NCS1: variants seen among roughly 807,000 people sequenced by gnomAD.
NCS1 encodes frequenin homolog.
In NCS1, 6 loss-of-function variants were observed where a neutral mutation model predicts 28.4. That is an observed-to-expected ratio of 0.21 (90% CI 0.12 to 0.42). The LOEUF (loss-of-function observed/expected upper bound fraction) is 0.42. Among genes scored for constraint, NCS1 ranks in the 10% least tolerant of loss-of-function variants. The pLI, the probability that NCS1 is intolerant of heterozygous loss-of-function variation, is 1.00. For missense variants in NCS1, 131 were observed against 241.4 expected (o/e 0.54, Z 3.03); for synonymous variants, 86 against 99.3 (o/e 0.87, Z 0.79).
Position 130,233,430 on chromosome 9 carries a change from TC to T in NCS1, c.*459del. The stretch of plus-strand genomic sequence containing the variant: ...GAGAACTCTGCCTTGCCCTCGTCCC[TC>T]GTCCTTCGGCAGCCGGAGAGGCTGT... On this transcript the variant is annotated 3_prime_UTR_variant, in exon 8 of 8. Coordinates refer to ENST00000372398, the MANE Select transcript of NCS1 (RefSeq NM_014286.4). The surrounding 1 kb of genome is among the most constrained non-coding windows in gnomAD (Gnocchi z 4.8). 1.3e-5 allele frequency: 2 copies of T among 152,628 alleles called. No individual in the cohort carries two copies. 9.5% of individuals were successfully genotyped at this position (152,628 alleles called of 1,614,324 possible).
At position 130,236,546 on chromosome 9, in the gene NCS1, C is replaced by CTT; in HGVS notation, c.*3575_*3576insTT. The CTT allele has an allele frequency of 1.9e-5, 1 of 51,932 alleles. No homozygotes were observed. Among genetic ancestry groups the CTT allele is most frequent in the Non-Finnish European group, 4.0e-5 (1 of 24,996 alleles). The allele number at this position is 51,932 out of a possible 1,614,324, so 3.2% of individuals were successfully genotyped here. On this transcript the variant is annotated 3_prime_UTR_variant, in exon 8 of 8. Coordinates refer to ENST00000372398, the MANE Select transcript of NCS1 (RefSeq NM_014286.4). ...CACTGTGATGGGAAGCCTTGCCCCC[C>CTT]TCTTTTTTTTTTTTTTTTAATATCT... is the stretch of plus-strand genomic sequence containing the variant.
At chr9:130,223,212 G>C (rs577708014) in intron 6 of NCS1, 53 bp downstream of exon 6, 1 of 1,545,666 alleles carries the variant, frequency 6.5e-7, no homozygotes, top group South Asian at 1.1e-5. Flanking sequence ...GGTGTCGGGG[G>C]CAGGAATTGG....
intron 1 of NCS1, among the ~76,000 whole-genome samples, chr9:130,185,785 C>T (rs1554905577): frequency 1.3e-5 from 2 of 152,284 alleles, no homozygotes; most frequent in East Asian, 1.9e-4. Flanking sequence ...GGTTCTTGCC[C>T]CTCGGCCAGT....
At position 130,175,098 on chromosome 9, in the gene NCS1, G is replaced by C. The variant is rs985740724; in HGVS notation, c.64+2371G>C. ...TTAGGGGTGGGCCGTTGGAGGTGGC[G>C]GTGGGTTCATTGGCCTCCTGTCTGC... On this transcript the variant is annotated intron_variant, in intron 1 of 7. Coordinates refer to ENST00000372398, the MANE Select transcript of NCS1 (RefSeq NM_014286.4). This position sits in a 1 kb window ranked among gnomAD's most constrained non-coding sequence, Gnocchi z 4.9. Among the ~76,000 whole-genome samples, 3 of 152,090 alleles carry C rather than the reference G, an allele frequency of 2.0e-5. No individual in the cohort carries two copies. The highest frequency in any genetic ancestry group is 4.4e-5 in the Non-Finnish European group (3 of 68,020).
At chr9:130,222,866 C>T (rs1833352150) in intron 5 of NCS1, 128 bp downstream of exon 5, 7 of 1,030,242 alleles carry the variant, frequency 6.8e-6, no homozygotes, top group South Asian at 2.7e-5. Flanking sequence ...CTGGCTGAGC[C>T]GTTCTGTACA....
chr9:130,173,967 T>C (rs1832527941), intron 1 of NCS1, among the ~76,000 whole-genome samples: 1 of 152,146 alleles, frequency 6.6e-6, no homozygotes, highest in Admixed American at 6.5e-5. Context: ...TGCTGCGAGG[T>C]GCTGGCCCTT....
rs1312151345 is a variant in NCS1, at chr9:130,221,978, AAT to A, written c.308-664_308-663del. Among the ~76,000 whole-genome samples, 3 of 68,030 alleles carry A rather than the reference AAT, an allele frequency of 4.4e-5. 1 individual carries two copies. Among genetic ancestry groups the A allele is most frequent in the African/African-American group, 6.6e-5 (1 of 15,158 alleles). 44.6% of individuals were successfully genotyped at this position (68,030 alleles called of 152,430 possible). A position where few individuals can be genotyped will look rare whatever the true frequency, so the allele number is the denominator to read the frequency against. Reference sequence around the variant, plus strand: ...TACATAAATATAAATTATGTATATAAATATATATACATAAATATAAATTATGT... The same window carrying A: ...TACATAAATATAAATTATGTATATAAATATATACATAAATATAAATTATGT... On this transcript the variant is annotated intron_variant, in intron 4 of 7. Transcript: ENST00000372398.
intron 1 of NCS1, among the ~76,000 whole-genome samples, chr9:130,176,810 G>A (rs1366736794): frequency 6.6e-6 from 1 of 152,268 alleles, no homozygotes; most frequent in Non-Finnish European, 1.5e-5. Flanking sequence ...CAGGAGGAAA[G>A]CAGCCGGGTT....
At chr9:130,231,608 T>G (rs1302930211) in intron 7 of NCS1, among the ~76,000 whole-genome samples, 1 of 152,106 alleles carries the variant, frequency 6.6e-6, no homozygotes, top group Non-Finnish European at 1.5e-5. Context: ...AGTCTCGAAC[T>G]CTTGAACTCA....
intron 1 of NCS1, among the ~76,000 whole-genome samples, chr9:130,199,972 C>G (rs1832920796): frequency 6.6e-6 from 1 of 152,232 alleles, no homozygotes; most frequent in Non-Finnish European, 1.5e-5. Context: ...ACGCCGTACC[C>G]TTTGCCAAAA....
At chr9:130,225,201 A>T (rs1408394072) in intron 6 of NCS1, among the ~76,000 whole-genome samples, 1 of 152,216 alleles carries the variant, frequency 6.6e-6, no homozygotes, top group South Asian at 2.1e-4. Flanking sequence ...CAATCAATCA[A>T]TCGATCAGTC....
At chr9:130,213,325 T>G (rs941449649) in intron 2 of NCS1, among the ~76,000 whole-genome samples, 59 of 152,320 alleles carry the variant, frequency 3.9e-4, no homozygotes, top group Admixed American at 1.3e-4. Context: ...TCCCCCAGGC[T>G]GGAGTGCAGT....
intron 2 of NCS1, among the ~76,000 whole-genome samples, chr9:130,202,599 T>A (rs1554907575): frequency 6.7e-6 from 1 of 149,790 alleles, no homozygotes; most frequent in Non-Finnish European, 1.5e-5. Flanking sequence ...TTTTTTTGAG[T>A]TGGAGTCTCT....
chr9:130,210,083 A>G (rs1348455394), intron 2 of NCS1, among the ~76,000 whole-genome samples: 2 of 152,090 alleles, frequency 1.3e-5, no homozygotes, highest in Non-Finnish European at 2.9e-5. Flanking sequence ...GTCCCCGCCC[A>G]TGTACTAGGA....
At chr9:130,185,640 C>A (rs1197323396) in intron 1 of NCS1, among the ~76,000 whole-genome samples, 1 of 152,232 alleles carries the variant, frequency 6.6e-6, no homozygotes, top group Non-Finnish European at 1.5e-5. Flanking sequence ...CCGAAAGATT[C>A]CTGTTCAGAG....
rs1307708594 is a variant in NCS1, at chr9:130,233,867, G to A, written c.*895G>A. On this transcript the variant is annotated 3_prime_UTR_variant, in exon 8 of 8. Coordinates refer to ENST00000372398, the MANE Select transcript of NCS1 (RefSeq NM_014286.4). This position sits in a 1 kb window ranked among gnomAD's most constrained non-coding sequence, Gnocchi z 4.8. Reference sequence around the variant, plus strand: ...AGGTGGAAATTCCTAAATGGCTAATGCACTGTTCCCTCCAGCCCGAATGCC... The same window carrying A: ...AGGTGGAAATTCCTAAATGGCTAATACACTGTTCCCTCCAGCCCGAATGCC... 1 of 151,988 alleles carries A rather than the reference G, an allele frequency of 6.6e-6. No individual in the cohort carries two copies. Among genetic ancestry groups the A allele is most frequent in the Non-Finnish European group, 1.5e-5 (1 of 68,026 alleles). The allele number at this position is 151,988 out of a possible 1,614,324, so 9.4% of individuals were successfully genotyped here. A position where few individuals can be genotyped will look rare whatever the true frequency, so the allele number is the denominator to read the frequency against.
intron 2 of NCS1, among the ~76,000 whole-genome samples, chr9:130,214,129 C>T (rs921605216): frequency 3.9e-5 from 6 of 152,202 alleles, no homozygotes; most frequent in South Asian, 4.1e-4. Context: ...GCCTACATTC[C>T]GGTGGGGGAC....
chr9:130,216,021 C>T (rs1833178925), intron 2 of NCS1, among the ~76,000 whole-genome samples: 1 of 152,172 alleles, frequency 6.6e-6, no homozygotes, highest in Non-Finnish European at 1.5e-5. Flanking sequence ...CTGAGCTTCA[C>T]CTTCCAGGCC....
chr9:130,178,454 C>T (rs10988630), intron 1 of NCS1, among the ~76,000 whole-genome samples: 35,026 of 152,178 alleles, frequency 0.23, 5,100 homozygotes, highest in East Asian at 0.6. Flanking sequence ...CCCTTTTCCC[C>T]GGCAGAGGCC....
Sources: allele counts gnomAD v4.1 joint callset (sites outside exome capture counted in the v4.1 genomes callset), GRCh38; gene constraint gnomAD v4.1.1; non-coding constraint Gnocchi (gnomAD v3.1); transcripts MANE v1.5; gene names NCBI Gene and HGNC (gene_info 2026-07-23, HGNC 2026-07-21).